Variants in DPY30 observed in about 807,000 individuals in gnomAD.
The protein encoded by DPY30 is protein dpy-30 homolog.
In DPY30, 6 loss-of-function variants were observed where a neutral mutation model predicts 16.2. The ratio of observed to expected loss-of-function variants is 0.37; its 90% CI spans 0.20 to 0.73. DPY30 has a LOEUF of 0.73. DPY30 is among the 30% of genes least tolerant of loss of function. The pLI is 0.51. For missense variants in DPY30, 73 were observed against 113.1 expected (o/e 0.65, Z 1.61); for synonymous variants, 39 against 38.8 (o/e 1.00, Z -0.02).
intron 4 of DPY30, among the ~76,000 whole-genome samples, chr2:32,025,458 G>A (rs1039741826): frequency 7.3e-5 from 11 of 151,126 alleles, no homozygotes; most frequent in Non-Finnish European, 1.5e-5. Flanking sequence ...GCAAGATTCC[G>A]TCTCAAAAAA....
At chr2:32,022,581 A>C (rs1197284726), downstream of DPY30, among the ~76,000 whole-genome samples, 1 of 151,710 alleles carries the variant, frequency 6.6e-6, no homozygotes, top group Non-Finnish European at 1.5e-5. Context: ...GCAGTGGCAC[A>C]ATCTCGGCTC....
chr2:32,025,809 A>T lies in DPY30; in HGVS notation c.228-1553T>A, dbSNP rs189630111. On this transcript the variant is annotated intron_variant, in intron 4 of 4. Transcript: ENST00000342166. ...CGTACTTGGGCCGGGGGGAAAAAAA[A>T]AACAACACCGTACTTGGGCCGGGCA... Among the ~76,000 whole-genome samples the T allele has an allele frequency of 1.7e-3, 254 of 151,508 alleles. 1 individual carries two copies. Among genetic ancestry groups the T allele is most frequent in the Middle Eastern group, 3.4e-3 (1 of 290 alleles).
chr2:32,039,816 T>A (rs1231962700), upstream of DPY30: 1 of 339,458 alleles, frequency 2.9e-6, no homozygotes, highest in Non-Finnish European at 5.5e-6. Context: ...AAGTGACGGC[T>A]GTCGCACGAC....
rs74998856 is a variant in DPY30 at position 32,016,396 on chromosome 2, G to A, written n.378-4344C>T. 2.0e-5 allele frequency among the ~76,000 whole-genome samples: 3 copies of A among 152,204 alleles called. No homozygotes were observed. The East Asian group carries it at 5.8e-4, about 29-fold the overall frequency. ...TTGTGCCTCATTTTTCCAGTTTGATGATATGTCATCAGGCCTCCAATTGGT... is the reference window on the plus strand; with the variant it reads ...TTGTGCCTCATTTTTCCAGTTTGATAATATGTCATCAGGCCTCCAATTGGT... On this transcript the variant is annotated intron_variant and non_coding_transcript_variant, in intron 5 of 5. Coordinates refer to the DPY30 transcript ENST00000414013.
intron 3 of DPY30, among the ~76,000 whole-genome samples, chr2:32,031,296 T>C (rs553653220): frequency 1.3e-5 from 2 of 151,956 alleles, no homozygotes; most frequent in East Asian, 1.9e-4. Flanking sequence ...AGTGCACACC[T>C]GTACTCCCAG....
intron 5 of DPY30, among the ~76,000 whole-genome samples, chr2:32,017,939 A>G (rs896463981): frequency 1.3e-5 from 2 of 152,144 alleles, no homozygotes; most frequent in Non-Finnish European, 2.9e-5. Context: ...CTTATAAGAG[A>G]CCTCAGAGAT....
chr2:32,034,244 T>C (rs1485244223), intron 3 of DPY30, among the ~76,000 whole-genome samples: 1 of 152,170 alleles, frequency 6.6e-6, no homozygotes, highest in Non-Finnish European at 1.5e-5. Flanking sequence ...TGCATTGCTA[T>C]AAAGAAATAC....
intron 5 of DPY30, among the ~76,000 whole-genome samples, chr2:32,012,683 C>T (rs770785759): frequency 6.6e-6 from 1 of 151,974 alleles, no homozygotes; most frequent in Non-Finnish European, 1.5e-5. Context: ...GGTGATCCAC[C>T]GGCCTCGGCC....
At chr2:32,036,480 G>C (rs1320258110) in intron 3 of DPY30, among the ~76,000 whole-genome samples, 2 of 151,922 alleles carry the variant, frequency 1.3e-5, no homozygotes, top group African/African-American at 2.4e-5. Context: ...GACCATCCTG[G>C]CTAACACGGT....
In DPY30 at chr2:32,023,923, T is replaced by C. The variant is rs1675241176; in HGVS notation, c.*261A>G. 1 of 1,360,454 alleles carries C rather than the reference T, an allele frequency of 7.4e-7. No individual in the cohort carries two copies. The highest frequency in any genetic ancestry group is 9.5e-7 in the Non-Finnish European group (1 of 1,048,244). The allele number at this position is 1,360,454 out of a possible 1,614,324, so 84.3% of individuals were successfully genotyped here. A position where few individuals can be genotyped will look rare whatever the true frequency, so the allele number is the denominator to read the frequency against. Reference sequence around the variant, plus strand: ...AAAATAATGGTGTTTTGACAGTTTATTTTGAAGGTCATTTTAAAAACAAAG... The same window carrying C: ...AAAATAATGGTGTTTTGACAGTTTACTTTGAAGGTCATTTTAAAAACAAAG... On this transcript the variant is annotated 3_prime_UTR_variant, in exon 5 of 5. Transcript: ENST00000342166.
chr2:32,016,700 A>C (rs13034933), intron 5 of DPY30, among the ~76,000 whole-genome samples: 22,825 of 151,576 alleles, frequency 0.15, 1,956 homozygotes, highest in African/African-American at 0.23. Context: ...ATCTACTGAT[A>C]CTCCCAACTA....
At chr2:32,012,622 G>A (rs11689453) in intron 5 of DPY30, among the ~76,000 whole-genome samples, 2 of 151,736 alleles carry the variant, frequency 1.3e-5, no homozygotes, top group African/African-American at 2.4e-5. Context: ...ATTTTTAGTA[G>A]AGACAGGGTT....
In DPY30 at chr2:32,031,065, A is replaced by T. The variant is rs187499926; in HGVS notation, c.85-1329T>A. Reference sequence around the variant, plus strand: ...GAGCTATCAAATAGATTCGACTGACATTCAGAGCATTAAAAAGTAATTCAT... The same window carrying T: ...GAGCTATCAAATAGATTCGACTGACTTTCAGAGCATTAAAAAGTAATTCAT... On this transcript the variant is annotated intron_variant, in intron 3 of 4. Coordinates refer to ENST00000342166, the MANE Select transcript of DPY30 (RefSeq NM_001321209.2). Among the ~76,000 whole-genome samples the T allele has an allele frequency of 7.8e-3, 1,182 of 152,302 alleles. 18 individuals carry two copies. The highest frequency in any genetic ancestry group is 0.012 in the Non-Finnish European group (811 of 68,014).
chr2:32,019,716 A>C (rs1675134856), downstream of DPY30, among the ~76,000 whole-genome samples: 1 of 150,466 alleles, frequency 6.6e-6, no homozygotes, highest in African/African-American at 2.4e-5. Context: ...GCTACTAGGG[A>C]GGCTGAGGCA....
intron 4 of DPY30, among the ~76,000 whole-genome samples, chr2:32,027,575 A>G (rs1324600138): frequency 6.6e-6 from 1 of 151,480 alleles, no homozygotes; most frequent in African/African-American, 2.4e-5. Flanking sequence ...TTGATCTGTA[A>G]GACTATCAAC....
At position 32,024,028 on chromosome 2, in the gene DPY30, G is replaced by C; in HGVS notation, c.*156C>G. On this transcript the variant is annotated 3_prime_UTR_variant, in exon 5 of 5. Transcript: ENST00000342166. ...GTTTATGGTGATTAAATCAAAATAAGGGAAATATGTTATCTTCTGCAATTC... is the reference window on the plus strand; with the variant it reads ...GTTTATGGTGATTAAATCAAAATAACGGAAATATGTTATCTTCTGCAATTC... 2 of 1,476,582 alleles carry C rather than the reference G, an allele frequency of 1.4e-6. No individual in the cohort carries two copies. Among genetic ancestry groups the C allele is most frequent in the Non-Finnish European group, 1.8e-6 (2 of 1,121,508 alleles). The allele number at this position is 1,476,582 out of a possible 1,614,324, so 91.5% of individuals were successfully genotyped here.
intron 4 of DPY30, among the ~76,000 whole-genome samples, chr2:32,026,283 G>A (rs1379349695): frequency 1.3e-5 from 2 of 151,974 alleles, no homozygotes; most frequent in Non-Finnish European, 2.9e-5. Context: ...AGTGGCACAC[G>A]CCTGTAGTCC....
intron 4 of DPY30, among the ~76,000 whole-genome samples, chr2:32,028,762 G>A (rs1397227716): frequency 6.6e-6 from 1 of 152,048 alleles, no homozygotes; most frequent in Admixed American, 6.6e-5. Context: ...CTGCACTCCA[G>A]CCTGGCGACA....
At chr2:32,035,333 G>T (rs1159646199) in intron 3 of DPY30, among the ~76,000 whole-genome samples, 1 of 152,044 alleles carries the variant, frequency 6.6e-6, no homozygotes, top group Admixed American at 6.6e-5. Context: ...GCCGGGCACG[G>T]TGGCTCACAC....
Sources: gnomAD v4.1 joint callset for allele counts (sites outside exome capture counted in the v4.1 genomes callset) on GRCh38, gnomAD v4.1.1 for gene constraint, MANE v1.5 for transcripts, NCBI Gene and HGNC (gene_info 2026-07-23, HGNC 2026-07-21) for gene names.